The following PACS2 variants were observed in gnomAD, a reference collection of about 807,000 sequenced individuals.
The protein encoded by PACS2 is phosphofurin acidic cluster sorting protein 2.
A neutral mutation model predicts 113.0 loss-of-function variants in PACS2; 36 were observed. That is an observed-to-expected ratio of 0.32 (90% confidence interval 0.24 to 0.42). The LOEUF is 0.42. Ranked by LOEUF, PACS2 falls within the 10% of genes least tolerant of loss-of-function variation. The pLI is 1.00. For synonymous variants in PACS2, 589 were observed against 536.1 expected, an observed-to-expected ratio of 1.10 and a Z score of -1.36; for missense variants, 1,015 against 1,239.5, an observed-to-expected ratio of 0.82 and a Z score of 2.72.
rs1271133504 is a variant in PACS2 at position 105,315,280 on chromosome 14, C to G, written c.119+243C>G. ...CTCAGCTTCCGAGGACCCGGTGCTG[C>G]TCAGACCCGGCGGGACCTTGGGGCT... On this transcript the variant is annotated intron_variant, in intron 1 of 24. Transcript: ENST00000447393. This position sits in a 1 kb window ranked among gnomAD's most constrained non-coding sequence, Gnocchi z 4.4. The G allele has an allele frequency of 6.2e-6, 1 of 160,862 alleles. No homozygotes were observed. The highest frequency in any genetic ancestry group is 1.3e-5 in the Non-Finnish European group (1 of 74,792). The allele number at this position is 160,862 out of a possible 1,614,324, so 10.0% of individuals were successfully genotyped here. A position where few individuals can be genotyped will look rare whatever the true frequency, so the allele number is the denominator to read the frequency against.
In PACS2 at chr14:105,323,260, T is replaced by C. The variant is rs907635388; in HGVS notation, c.119+8223T>C. ...TCTGCGCTATTCTCTCTCTCACCTC[T>C]GGAGCAACAATTGGACGTGTTGCTC... is the stretch of plus-strand genomic sequence containing the variant. On this transcript the variant is annotated intron_variant, in intron 1 of 24. Coordinates refer to ENST00000447393, the MANE Select transcript of PACS2 (RefSeq NM_001100913.3). This position sits in a 1 kb window ranked among gnomAD's most constrained non-coding sequence, Gnocchi z 4.1. Among the ~76,000 whole-genome samples the C allele has an allele frequency of 7.2e-5, 11 of 152,226 alleles. No homozygotes were observed. The highest frequency in any genetic ancestry group is 1.9e-4 in the East Asian group (1 of 5,202).
intron 3 of PACS2, among the ~76,000 whole-genome samples, chr14:105,353,014 C>T (rs2060272570): frequency 2.9e-5 from 4 of 136,190 alleles, no homozygotes; most frequent in Non-Finnish European, 6.4e-5. Flanking sequence ...CATCACTGTC[C>T]CCTGGGGAGA....
At chr14:105,341,871 C>T (rs587771566) in intron 1 of PACS2, among the ~76,000 whole-genome samples, 1 of 152,300 alleles carries the variant, frequency 6.6e-6, no homozygotes, top group Admixed American at 6.5e-5. Context: ...TACGGGACCG[C>T]AAGCTGCGAC....
chr14:105,389,036 C>G (rs1360548685), intron 19 of PACS2: 1 of 152,346 alleles, frequency 6.6e-6, no homozygotes, highest in East Asian at 1.9e-4. Flanking sequence ...CTGTGCTGGC[C>G]CCTTGTCTTG....
chr14:105,364,450 G>C (rs1309604366), intron 4 of PACS2, among the ~76,000 whole-genome samples: 2 of 140,284 alleles, frequency 1.4e-5, no homozygotes, highest in African/African-American at 5.4e-5. Context: ...GGCGTCCCGG[G>C]TGCGCGGTGG....
intron 1 of PACS2, among the ~76,000 whole-genome samples, chr14:105,337,591 C>G (rs2059575329): frequency 6.6e-6 from 1 of 152,238 alleles, no homozygotes; most frequent in Non-Finnish European, 1.5e-5. Flanking sequence ...TTGGGGCTGG[C>G]TGAGCCCGTG....
chr14:105,393,501 C>T (rs1318175014), intron 24 of PACS2, 166 bp downstream of exon 24: 13 of 468,038 alleles, frequency 2.8e-5, no homozygotes, highest in Admixed American at 1.7e-4. Context: ...GGCTGACAAC[C>T]TTCCAAATGC....
chr14:105,301,684 C>G (rs913475258), intron 1 of PACS2, among the ~76,000 whole-genome samples: 1 of 152,252 alleles, frequency 6.6e-6, no homozygotes, highest in Admixed American at 6.5e-5. Flanking sequence ...AAAATTCCCA[C>G]TTTCTAGCAG....
chr14:105,304,020 C>T (rs587603252), intron 1 of PACS2, among the ~76,000 whole-genome samples: 67 of 152,342 alleles, frequency 4.4e-4, no homozygotes, highest in African/African-American at 1.2e-3. Flanking sequence ...GGGGTTATTT[C>T]GTGTGCTCCC....
Position 105,362,754 on chromosome 14 carries a change from G to A in PACS2, c.424-4459G>A, listed in dbSNP as rs587690527. 1.4e-4 allele frequency among the ~76,000 whole-genome samples: 22 copies of A among 152,134 alleles called. No individual in the cohort carries two copies. In the East Asian group the frequency reaches 3.9e-3, roughly 27 times the overall value. ...TAATCCCAGCTACTCAGGAGGCTGAGGCAGGAGAATCGCTTGAACCTGGGA... is the reference window on the plus strand; with the variant it reads ...TAATCCCAGCTACTCAGGAGGCTGAAGCAGGAGAATCGCTTGAACCTGGGA... On this transcript the variant is annotated intron_variant, in intron 4 of 24. Coordinates refer to ENST00000447393, the MANE Select transcript of PACS2 (RefSeq NM_001100913.3).
chr14:105,357,462 C>T lies in PACS2; in HGVS notation c.423+2285C>T, dbSNP rs2141067197. On this transcript the variant is annotated intron_variant, in intron 4 of 24. Coordinates refer to ENST00000447393, the MANE Select transcript of PACS2 (RefSeq NM_001100913.3). The surrounding 1 kb of genome is among the most constrained non-coding windows in gnomAD (Gnocchi z 5.1). ...AGGTCATCTGACTGCTCCTCGCTCTCCCCTCCAGCATCTCCTCCAGGCCCT... is the reference window on the plus strand; with the variant it reads ...AGGTCATCTGACTGCTCCTCGCTCTTCCCTCCAGCATCTCCTCCAGGCCCT... 6.6e-6 allele frequency among the ~76,000 whole-genome samples: 1 copy of T among 152,282 alleles called. No individual in the cohort carries two copies. Among genetic ancestry groups the T allele is most frequent in the South Asian group, 2.1e-4 (1 of 4,830 alleles).
chr14:105,382,141 C>A, intron 13 of PACS2, 83 bp downstream of exon 13: 1 of 1,398,642 alleles, frequency 7.1e-7, no homozygotes, highest in Non-Finnish European at 9.6e-7. Context: ...AAAAGAGAAG[C>A]ACAGGGGGCC....
In PACS2 at chr14:105,391,616, G is replaced by A. The variant is rs1555414836; in HGVS notation, c.2120-15G>A. 1 of 1,606,050 alleles carries A rather than the reference G, an allele frequency of 6.2e-7. No homozygotes were observed. The highest frequency in any genetic ancestry group is 1.3e-5 in the African/African-American group (1 of 74,766). ...AGCAGGTGGGCTCAGCCTGCCCTGTGACTCCTCCCCAAAGGCGACTCGGAC... is the reference window on the plus strand; with the variant it reads ...AGCAGGTGGGCTCAGCCTGCCCTGTAACTCCTCCCCAAAGGCGACTCGGAC... On this transcript the variant is annotated splice_polypyrimidine_tract_variant and intron_variant, in intron 21 of 24. Coordinates refer to ENST00000447393, the MANE Select transcript of PACS2 (RefSeq NM_001100913.3).
chr14:105,317,394 G>A lies in PACS2; in HGVS notation c.119+2357G>A, dbSNP rs587770470. Reference sequence around the variant, plus strand: ...TGGTGGGGGTGTGCACGCACTCAGCGTTACTGCTGGGCAGTTTTCCAGAGT... The same window carrying A: ...TGGTGGGGGTGTGCACGCACTCAGCATTACTGCTGGGCAGTTTTCCAGAGT... On this transcript the variant is annotated intron_variant, in intron 1 of 24. Coordinates refer to ENST00000447393, the MANE Select transcript of PACS2 (RefSeq NM_001100913.3). The surrounding 1 kb of genome is among the most constrained non-coding windows in gnomAD (Gnocchi z 4.2). Among the ~76,000 whole-genome samples the A allele has an allele frequency of 1.2e-4, 18 of 152,302 alleles. 1 individual carries two copies. The South Asian group carries it at 2.1e-3, about 18-fold the overall frequency.
Position 105,362,355 on chromosome 14 carries a change from T to G in PACS2, c.424-4858T>G, listed in dbSNP as rs587699528. Among the ~76,000 whole-genome samples the G allele has an allele frequency of 8.6e-3, 1,268 of 147,046 alleles. 21 individuals carry two copies. The highest frequency in any genetic ancestry group is 0.031 in the African/African-American group (1,196 of 39,082). On this transcript the variant is annotated intron_variant, in intron 4 of 24. Transcript: ENST00000447393. ...ATGGTGTGAACCTGGAGGTGGAGCT[T>G]GCAGTGAGCCGAGATCGCGCCACTG...
chr14:105,337,280 G>A (rs1297845116), intron 1 of PACS2, among the ~76,000 whole-genome samples: 2 of 152,208 alleles, frequency 1.3e-5, no homozygotes, highest in Non-Finnish European at 2.9e-5. Context: ...CCAGGGGCCG[G>A]GGAAGGTGGG....
Position 105,381,917 on chromosome 14 carries a change from C to A in PACS2, c.1272C>A (p.Ser424=). The change falls in exon 13 of 25, where the codon TCC becomes TCA. Residue 424 remains serine, a synonymous_variant. Coordinates refer to ENST00000447393, the MANE Select transcript of PACS2 (RefSeq NM_001100913.3). ...TESLVIPSTR[S]EGKQAGRRGR... is the part of the protein sequence containing the mutation. ...AGCCTGTCCTGGTCCCCAATAGGTCCGAGGGGAAGCAGGCTGGCCGACGGG... is the reference window on the plus strand; with the variant it reads ...AGCCTGTCCTGGTCCCCAATAGGTCAGAGGGGAAGCAGGCTGGCCGACGGG... 1 of 1,550,954 alleles carries A rather than the reference C, an allele frequency of 6.4e-7. No homozygotes were observed.
intron 1 of PACS2, among the ~76,000 whole-genome samples, chr14:105,333,996 G>T (rs759272037): frequency 1.6e-4 from 25 of 152,244 alleles, no homozygotes; most frequent in Non-Finnish European, 3.2e-4. Context: ...GGAGACACCT[G>T]TCAGGGCCCT....
At chr14:105,308,501 G>C (rs909904387) in intron 1 of PACS2, among the ~76,000 whole-genome samples, 1 of 79,824 alleles carries the variant, frequency 1.3e-5, no homozygotes, top group Non-Finnish European at 2.2e-5. Context: ...TTTTTTTTTT[G>C]AGATGGAGTC....
Sources: allele counts gnomAD v4.1 joint callset (sites outside exome capture counted in the v4.1 genomes callset), GRCh38; gene constraint gnomAD v4.1.1; non-coding constraint Gnocchi (gnomAD v3.1); transcripts MANE v1.5; gene names NCBI Gene and HGNC (gene_info 2026-07-23, HGNC 2026-07-21).